Variants in ERI3 observed in about 807,000 individuals in gnomAD.
The protein encoded by ERI3 is ERI1 exoribonuclease 3.
ERI3 carries 18 observed loss-of-function variants against 44.4 expected under a neutral mutation model. The observed-to-expected ratio is 0.41, with a 90% confidence interval of 0.28 to 0.60. The LOEUF (loss-of-function observed/expected upper bound fraction) is 0.60. Ranked by LOEUF, ERI3 falls within the 20% of genes least tolerant of loss-of-function variation. The probability of loss-of-function intolerance (pLI) is 0.36; values close to 1 mark genes in which losing one functional copy is unlikely to be tolerated. For synonymous variants in ERI3, 183 were observed against 164.8 expected, an observed-to-expected ratio of 1.11 and a Z score of -0.84; for missense variants, 294 against 435.5, an observed-to-expected ratio of 0.68 and a Z score of 2.89.
chr1:44,222,132 TGG>T (rs964508112), intron 8 of ERI3, among the ~76,000 whole-genome samples: 4 of 152,192 alleles, frequency 2.6e-5, no homozygotes, highest in Admixed American at 2.6e-4. Flanking sequence ...TTCGTGTGTG[TGG>T]GAGATGTGAC....
chr1:44,226,304 G>A (rs1644036459), intron 8 of ERI3, among the ~76,000 whole-genome samples: 1 of 152,106 alleles, frequency 6.6e-6, no homozygotes, highest in South Asian at 2.1e-4. Context: ...AAACTAAGGA[G>A]CTTAAGATGT....
intron 6 of ERI3, among the ~76,000 whole-genome samples, chr1:44,292,590 T>A (rs1423714267): frequency 6.6e-6 from 1 of 152,064 alleles, no homozygotes; most frequent in South Asian, 2.1e-4. Flanking sequence ...GGGAGGGCAA[T>A]GTCAAGGGCA....
intron 7 of ERI3, among the ~76,000 whole-genome samples, chr1:44,254,079 TTCC>T (rs752344512): frequency 3.9e-5 from 6 of 152,346 alleles, no homozygotes; most frequent in South Asian, 2.1e-4. Context: ...TTCAAATTCT[TTCC>T]TGCTGCTTCT....
intron 5 of ERI3, among the ~76,000 whole-genome samples, chr1:44,309,913 TGGAA>T (rs1432980103): frequency 1.3e-5 from 2 of 152,144 alleles, no homozygotes; most frequent in African/African-American, 4.8e-5. Context: ...AATGCAGGAT[TGGAA>T]GTCAGACACA....
Position 44,320,579 on chromosome 1 carries a change from A to G in ERI3, c.490-835T>C, listed in dbSNP as rs1337089496. On this transcript the variant is annotated intron_variant, in intron 3 of 8. Coordinates refer to ENST00000372257, the MANE Select transcript of ERI3 (RefSeq NM_024066.3). ...CCAGAGTGGGGAGAGGGCAGAAGAG[A>G]GCACGTGCGTACCAGAGAGAAGAGG... Among the ~76,000 whole-genome samples the G allele has an allele frequency of 2.0e-5, 3 of 152,316 alleles. No individual in the cohort carries two copies. In the East Asian group the frequency reaches 5.8e-4, roughly 29 times the overall value.
Position 44,342,399 on chromosome 1 carries a change from G to A in ERI3, c.212-3077C>T, listed in dbSNP as rs192266128. Among the ~76,000 whole-genome samples, 25 of 152,204 alleles carry A rather than the reference G, an allele frequency of 1.6e-4. No homozygotes were observed. In the East Asian group the frequency reaches 1.7e-3, roughly 11 times the overall value. Reference sequence around the variant, plus strand: ...GAAGTGCATATATTAAGCATAATGGGACCCAGGTTTCTCACTGTTAAGAGA... The same window carrying A: ...GAAGTGCATATATTAAGCATAATGGAACCCAGGTTTCTCACTGTTAAGAGA... On this transcript the variant is annotated intron_variant, in intron 2 of 8. Coordinates refer to ENST00000372257, the MANE Select transcript of ERI3 (RefSeq NM_024066.3).
intron 8 of ERI3, among the ~76,000 whole-genome samples, chr1:44,232,194 G>A (rs1228684153): frequency 6.6e-6 from 1 of 152,102 alleles, no homozygotes; most frequent in East Asian, 1.9e-4. Flanking sequence ...TGTAAAGGCA[G>A]GAAGGAGAAT....
chr1:44,280,387 G>C (rs1481456466), intron 7 of ERI3, among the ~76,000 whole-genome samples: 1 of 152,100 alleles, frequency 6.6e-6, no homozygotes, highest in Non-Finnish European at 1.5e-5. Context: ...CATTTCCACT[G>C]CTATCAGTTC....
chr1:44,255,235 CCTCCTTCA>C (rs1378561334), intron 7 of ERI3, among the ~76,000 whole-genome samples: 1 of 152,150 alleles, frequency 6.6e-6, no homozygotes, highest in Non-Finnish European at 1.5e-5. Flanking sequence ...CCACTCCCTT[CCTCCTTCA>C]CTCCTTCACT....
intron 6 of ERI3, among the ~76,000 whole-genome samples, chr1:44,286,560 G>A (rs902756065): frequency 9.2e-5 from 14 of 152,084 alleles, no homozygotes; most frequent in African/African-American, 1.9e-4. Context: ...AGAATAGAGC[G>A]AGGTGAGCAG....
At chr1:44,260,731 A>G (rs1644876796) in intron 7 of ERI3, among the ~76,000 whole-genome samples, 2 of 151,676 alleles carry the variant, frequency 1.3e-5, no homozygotes, top group South Asian at 4.2e-4. Flanking sequence ...GAGGTACTTC[A>G]TTCAACTCCC....
chr1:44,281,878 ATGTGTGTG>A (rs10574197), intron 7 of ERI3, among the ~76,000 whole-genome samples: 3,508 of 127,000 alleles, frequency 0.028, 118 homozygotes, highest in African/African-American at 0.085. Context: ...ACATGTGCAT[ATGTGTGTG>A]TGTGTGTGTG....
intron 8 of ERI3, among the ~76,000 whole-genome samples, chr1:44,234,110 T>G (rs1391469227): frequency 6.6e-6 from 1 of 152,214 alleles, no homozygotes; most frequent in Non-Finnish European, 1.5e-5. Flanking sequence ...TGCTCAGAAC[T>G]GTCATTGGTC....
chr1:44,346,851 C>T (rs1001133926), intron 2 of ERI3, among the ~76,000 whole-genome samples: 4 of 151,974 alleles, frequency 2.6e-5, no homozygotes, highest in Non-Finnish European at 2.9e-5. Flanking sequence ...TTCAACCGTG[C>T]GATGTACAAA....
At chr1:44,278,477 G>GAA (rs746101806) in intron 7 of ERI3, among the ~76,000 whole-genome samples, 14 of 80,030 alleles carry the variant, frequency 1.7e-4, no homozygotes, top group East Asian at 4.3e-4. Flanking sequence ...ACTGTCTCAG[G>GAA]AAAAAAAAAA....
Position 44,322,709 on chromosome 1 carries a change from C to T in ERI3, c.490-2965G>A, listed in dbSNP as rs747503546. The T allele has an allele frequency of 3.9e-6, 6 of 1,543,600 alleles. No individual in the cohort carries two copies. In the South Asian group the frequency reaches 7.3e-5, roughly 19 times the overall value. The stretch of plus-strand genomic sequence containing the variant: ...AGAAATTAGAGCAGCAAGGACCTCA[C>T]TGAGGTACTTCTTACCATCCCATAT... On this transcript the variant is annotated intron_variant, in intron 3 of 8. Transcript: ENST00000372257.
chr1:44,238,466 G>A (rs1436802250), intron 8 of ERI3, among the ~76,000 whole-genome samples: 1 of 152,096 alleles, frequency 6.6e-6, no homozygotes, highest in Non-Finnish European at 1.5e-5. Flanking sequence ...ACCAATCACC[G>A]GCTCCTTTCG....
At chr1:44,276,900 T>C (rs1645190075) in intron 7 of ERI3, among the ~76,000 whole-genome samples, 1 of 152,136 alleles carries the variant, frequency 6.6e-6, no homozygotes, top group African/African-American at 2.4e-5. Context: ...GCAGCTGAGG[T>C]CCAATAAAGA....
chr1:44,252,512 CT>C lies in ERI3; in HGVS notation c.832-4475del, dbSNP rs1479672219. ...TATTCTGACACCTCAGCGCAGCCTG[CT>C]ATTACATGCAAACACTGATCGCCCT... On this transcript the variant is annotated intron_variant, in intron 7 of 8. Transcript: ENST00000372257. The surrounding 1 kb of genome is among the most constrained non-coding windows in gnomAD (Gnocchi z 4.7). Among the ~76,000 whole-genome samples the C allele has an allele frequency of 6.6e-6, 1 of 152,228 alleles. No homozygotes were observed. The highest frequency in any genetic ancestry group is 6.5e-5 in the Admixed American group (1 of 15,288).
Sources: allele counts gnomAD v4.1 joint callset (sites outside exome capture counted in the v4.1 genomes callset), GRCh38; gene constraint gnomAD v4.1.1; non-coding constraint Gnocchi (gnomAD v3.1); transcripts MANE v1.5; gene names NCBI Gene and HGNC (gene_info 2026-07-23, HGNC 2026-07-21).